ADGRE1: variants seen among roughly 807,000 people sequenced by gnomAD.
ADGRE1 encodes EGF-like module receptor 1.
A neutral mutation model predicts 102.7 loss-of-function variants in ADGRE1; 82 were observed. The ratio of observed to expected loss-of-function variants is 0.80; its 90% confidence interval spans 0.67 to 0.96. ADGRE1 has a LOEUF of 0.96. ADGRE1 is among the 40% of genes least tolerant of loss of function. The probability of loss-of-function intolerance (pLI) is 0.00; values close to 1 mark genes in which losing one functional copy is unlikely to be tolerated. For synonymous variants in ADGRE1, 398 were observed against 399.6 expected, an observed-to-expected ratio of 1.00 and a Z score of 0.05; for missense variants, 1,032 against 1,085.3, an observed-to-expected ratio of 0.95 and a Z score of 0.69.
Position 6,940,093 on chromosome 19 carries a change from G to A in ADGRE1, c.*64G>A. 6.4e-7 allele frequency: 1 copy of A among 1,562,114 alleles called. No homozygotes were observed. ...TTGAGGACAGTAGTTTCCTGCAGGA[G>A]CCTACCCTGAAATCTCTTCTCAGCT... On this transcript the variant is annotated 3_prime_UTR_variant, in exon 21 of 21. Coordinates refer to ENST00000312053, the MANE Select transcript of ADGRE1 (RefSeq NM_001974.5).
chr19:6,897,944 TCC>T (rs1973627980), intron 5 of ADGRE1: 3 of 182,306 alleles, frequency 1.6e-5, no homozygotes, highest in African/African-American at 7.2e-5. Flanking sequence ...CTTCCTTCCT[TCC>T]TTCCTTCCTT....
intron 18 of ADGRE1, among the ~76,000 whole-genome samples, 179 bp downstream of exon 18, chr19:6,935,257 C>G (rs1975354803): frequency 6.6e-6 from 1 of 152,024 alleles, no homozygotes; most frequent in African/African-American, 2.4e-5. Context: ...TATTTACGAG[C>G]TGTGTGACCT....
intron 3 of ADGRE1, chr19:6,896,846 T>G (rs561973687): frequency 2.1e-6 from 1 of 479,872 alleles, no homozygotes; most frequent in South Asian, 3.1e-5. Flanking sequence ...TCCTGGTCAC[T>G]GTAAAATTTC....
At position 6,940,293 on chromosome 19, in the gene ADGRE1, A is replaced by C. The variant is rs917789554; in HGVS notation, c.*264A>C. 4 of 559,630 alleles carry C rather than the reference A, an allele frequency of 7.1e-6. No homozygotes were observed. The highest frequency in any genetic ancestry group is 9.6e-4 in the Middle Eastern group (2 of 2,080). 34.7% of individuals were successfully genotyped at this position (559,630 alleles called of 1,614,324 possible). On this transcript the variant is annotated 3_prime_UTR_variant, in exon 21 of 21. Transcript: ENST00000312053. ...TCCAGAGTTTCTGAGAACAGACCCA[A>C]ATTCAATGGCATGACCAAGAACACC...
At chr19:6,891,455 A>AT (rs113589576) in intron 2 of ADGRE1, among the ~76,000 whole-genome samples, 4,424 of 136,488 alleles carry the variant, frequency 0.032, 139 homozygotes, top group African/African-American at 0.084. Flanking sequence ...CATCTTTCAC[A>AT]TTTTTTTTTT....
At chr19:6,922,612 T>TCACACACA (rs770150909) in intron 14 of ADGRE1, among the ~76,000 whole-genome samples, 63 of 123,228 alleles carry the variant, frequency 5.1e-4, no homozygotes, top group East Asian at 3.5e-3. Context: ...AGACTCTGTC[T>TCACACACA]CACACACACA....
intron 10 of ADGRE1, among the ~76,000 whole-genome samples, chr19:6,909,462 C>T (rs1974091664): frequency 6.6e-6 from 1 of 152,118 alleles, no homozygotes; most frequent in Non-Finnish European, 1.5e-5. Flanking sequence ...TAAATGAAAC[C>T]ACATAGTATG....
intron 9 of ADGRE1, among the ~76,000 whole-genome samples, chr19:6,907,425 G>A (rs557154846): frequency 3.2e-4 from 49 of 151,040 alleles, no homozygotes; most frequent in South Asian, 6.3e-4. Flanking sequence ...TGCAACCTCC[G>A]CCTCCTGGGT....
At chr19:6,915,920 C>CAAAAAAAAAAAAAAAA (rs67370670) in intron 11 of ADGRE1, among the ~76,000 whole-genome samples, 2 of 59,172 alleles carry the variant, frequency 3.4e-5, no homozygotes, top group African/African-American at 1.6e-4. Flanking sequence ...GACTCCGTCT[C>CAAAAAAAAAAAAAAAA]AAAAAAAAAA....
chr19:6,935,924 G>T (rs1426527434), intron 18 of ADGRE1, among the ~76,000 whole-genome samples: 1 of 151,966 alleles, frequency 6.6e-6, no homozygotes, highest in East Asian at 1.9e-4. Context: ...CATTACTTTT[G>T]TTATACATAT....
In ADGRE1 at chr19:6,916,266, A is replaced by G. The variant is rs374107504; in HGVS notation, c.1318A>G (p.Ile440Val). ...CTTTTTAGACATTGAGAGCAAAGTT[A>G]TCAACAAAGAATGCAGTGAAGAGAA... Reference protein sequence around the residue: ...TEYLDIESKVINKECSEENVT... With the variant: ...TEYLDIESKVVNKECSEENVT... The change falls in exon 12 of 21, where the codon ATC becomes GTC. Residue 440 changes from isoleucine to valine, a missense_variant. Coordinates refer to ENST00000312053, the MANE Select transcript of ADGRE1 (RefSeq NM_001974.5). 3.1e-6 allele frequency: 5 copies of G among 1,612,900 alleles called. No individual in the cohort carries two copies. Among genetic ancestry groups the G allele is most frequent in the African/African-American group, 1.3e-5 (1 of 75,008 alleles).
At chr19:6,902,733 G>A (rs932290020) in intron 6 of ADGRE1, among the ~76,000 whole-genome samples, 13 of 148,894 alleles carry the variant, frequency 8.7e-5, no homozygotes, top group East Asian at 4.1e-4. Context: ...GAGCCACTGC[G>A]CCCAGCCTGT....
intron 5 of ADGRE1, 71 bp downstream of exon 5, chr19:6,897,618 G>A (rs563298762): frequency 2.1e-6 from 3 of 1,418,736 alleles, no homozygotes; most frequent in African/African-American, 2.9e-5. Context: ...AAGACCATAT[G>A]AGAAAGGGAT....
chr19:6,934,849 C>T (rs540338920), intron 17 of ADGRE1, 138 bp from the exon 18 acceptor site: 24 of 412,692 alleles, frequency 5.8e-5, no homozygotes, highest in African/African-American at 1.6e-4. Context: ...TCAAGAGATC[C>T]GCCCGCCTCA....
intron 2 of ADGRE1, among the ~76,000 whole-genome samples, chr19:6,893,574 A>G (rs1210390120): frequency 6.6e-6 from 1 of 152,188 alleles, no homozygotes; most frequent in Non-Finnish European, 1.5e-5. Context: ...CCATTCATCC[A>G]CTGATAGACA....
At chr19:6,911,385 G>GTTTTTTTTTATTTTTTTT (rs1974170299) in intron 10 of ADGRE1, among the ~76,000 whole-genome samples, 1 of 79,842 alleles carries the variant, frequency 1.3e-5, no homozygotes, top group African/African-American at 4.5e-5. Context: ...ATTCCTTTTA[G>GTTTTTTTTTATTTTTTTT]TTTTTTTTTT....
At chr19:6,939,577 T>A (rs2145050016) in intron 20 of ADGRE1, among the ~76,000 whole-genome samples, 1 of 152,258 alleles carries the variant, frequency 6.6e-6, no homozygotes, top group Non-Finnish European at 1.5e-5. Context: ...TTTTCATGGT[T>A]GCAATATGGT....
At chr19:6,926,703 C>A in intron 16 of ADGRE1, 102 bp downstream of exon 16, 2 of 1,235,130 alleles carry the variant, frequency 1.6e-6, no homozygotes, top group Non-Finnish European at 2.3e-6. Flanking sequence ...GTAGTTGTGG[C>A]TACCATTTAT....
rs762484172 is a variant in ADGRE1 at position 6,937,399 on chromosome 19, G to A, written c.2538G>A (p.Leu846=). ...QGAFIFLIHC[L]LNGQVREEYK... ...CCTTCATCTTCCTCATCCACTGTCT[G>A]CTCAACGGCCAGGTGTGTAGCTGCT... Residue 846 remains leucine, a synonymous_variant, in exon 19 of 21, where the codon CTG becomes CTA. Transcript: ENST00000312053. The A allele has an allele frequency of 2.0e-5, 32 of 1,613,370 alleles. No homozygotes were observed. Among genetic ancestry groups the A allele is most frequent in the Non-Finnish European group, 2.4e-5 (28 of 1,179,938 alleles).
Sources: gnomAD v4.1 joint callset for allele counts (sites outside exome capture counted in the v4.1 genomes callset) on GRCh38, gnomAD v4.1.1 for gene constraint, MANE v1.5 for transcripts, NCBI Gene and HGNC (gene_info 2026-07-23, HGNC 2026-07-21) for gene names.